MICU2: variants seen among roughly 807,000 people sequenced by gnomAD.
MICU2 encodes mitochondrial calcium uptake 2, also known as calcium uptake protein 2, mitochondrial.
Under a neutral mutation model 60.4 loss-of-function variants are expected in MICU2, and 64 were observed. That is an observed-to-expected ratio of 1.06 (90% CI 0.87 to 1.31). The LOEUF (loss-of-function observed/expected upper bound fraction) is 1.31, where lower values mean the gene tolerates loss of function less well. MICU2 is among the 50% of genes most tolerant of loss of function. The pLI is 0.00. For missense variants in MICU2, 569 were observed against 531.0 expected (o/e 1.07, Z -0.70); for synonymous variants, 201 against 175.0 (o/e 1.15, Z -1.17).
At chr13:21,534,995 G>A (rs761139255) in intron 4 of MICU2, among the ~76,000 whole-genome samples, 1 of 152,142 alleles carries the variant, frequency 6.6e-6, no homozygotes, top group Admixed American at 6.5e-5. Flanking sequence ...CCAGGAGTCT[G>A]GACTGTGAAT....
intron 7 of MICU2, among the ~76,000 whole-genome samples, chr13:21,513,942 G>A (rs549026854): frequency 6.6e-6 from 1 of 152,018 alleles, no homozygotes; most frequent in African/African-American, 2.4e-5. Flanking sequence ...AGTACTAATT[G>A]CCCAGGGAGG....
At chr13:21,499,609 A>C (rs1156584790) in intron 9 of MICU2, among the ~76,000 whole-genome samples, 1 of 151,236 alleles carries the variant, frequency 6.6e-6, no homozygotes, top group African/African-American at 2.4e-5. Flanking sequence ...ATGGGGTTTC[A>C]CCATGTTAGC....
In MICU2 at chr13:21,502,858, A is replaced by T. The variant is rs180889161; in HGVS notation, c.933+68T>A. ...CACAGTCTTGGTTAATTCAGAAGTT[A>T]CTTTATGTAAACATGTCTAACTTAT... is the stretch of plus-strand genomic sequence containing the variant. On this transcript the variant is annotated intron_variant, in intron 9 of 11. Coordinates refer to ENST00000382374, the MANE Select transcript of MICU2 (RefSeq NM_152726.3). The T allele has an allele frequency of 2.9e-4, 415 of 1,442,732 alleles. 4 individuals are homozygous for T. The Admixed American group carries it at 8.3e-3, about 29-fold the overall frequency. 89.4% of individuals were successfully genotyped at this position (1,442,732 alleles called of 1,614,324 possible).
chr13:21,496,223 A>T, intron 9 of MICU2, 63 bp from the exon 10 acceptor site: 2 of 1,238,974 alleles, frequency 1.6e-6, no homozygotes, highest in Non-Finnish European at 2.3e-6. Flanking sequence ...ATAAATGTTA[A>T]CTATGAACTT....
At chr13:21,601,148 G>C (rs1157426057) in intron 1 of MICU2, among the ~76,000 whole-genome samples, 1 of 152,128 alleles carries the variant, frequency 6.6e-6, no homozygotes, top group Non-Finnish European at 1.5e-5. Context: ...TACCAACTTG[G>C]AATACCAATG....
At chr13:21,505,904 G>A (rs1203887885) in intron 8 of MICU2, among the ~76,000 whole-genome samples, 1 of 152,138 alleles carries the variant, frequency 6.6e-6, no homozygotes, top group East Asian at 1.9e-4. Flanking sequence ...TAGGTGAGAT[G>A]ACACATATGG....
chr13:21,549,150 T>C lies in MICU2; in HGVS notation c.359-9462A>G, dbSNP rs191058718. On this transcript the variant is annotated intron_variant, in intron 2 of 11. Transcript: ENST00000382374. The stretch of plus-strand genomic sequence containing the variant: ...TTCACCGTGTTAGCCAGGATGGTCT[T>C]GATCTCCTGACCTCGTGATCCGCCC... Among the ~76,000 whole-genome samples the C allele has an allele frequency of 9.5e-3, 1,442 of 152,032 alleles. 14 individuals carry two copies. Among genetic ancestry groups the C allele is most frequent in the Middle Eastern group, 0.02 (6 of 294 alleles).
In MICU2 at chr13:21,521,379, T is replaced by C. The variant is rs767278421; in HGVS notation, c.515-52A>G. On this transcript the variant is annotated intron_variant, in intron 5 of 11. Coordinates refer to ENST00000382374, the MANE Select transcript of MICU2 (RefSeq NM_152726.3). ...TAAATGTTGATGAAAACCAAGTTATTTGTAGATAGATAGGTCTTCAAATTT... is the reference window on the plus strand; with the variant it reads ...TAAATGTTGATGAAAACCAAGTTATCTGTAGATAGATAGGTCTTCAAATTT... 18 of 1,464,930 alleles carry C rather than the reference T, an allele frequency of 1.2e-5. No homozygotes were observed. In the African/African-American group the frequency reaches 1.3e-4, roughly 10 times the overall value. 90.7% of individuals were successfully genotyped at this position (1,464,930 alleles called of 1,614,324 possible). A position where few individuals can be genotyped will look rare whatever the true frequency, so the allele number is the denominator to read the frequency against.
chr13:21,568,548 G>A (rs1286995818), intron 1 of MICU2, among the ~76,000 whole-genome samples: 1 of 152,092 alleles, frequency 6.6e-6, no homozygotes, highest in African/African-American at 2.4e-5. Context: ...CATTTTAAAC[G>A]TGGGGCAAAT....
intron 7 of MICU2, among the ~76,000 whole-genome samples, chr13:21,513,159 G>A (rs1381262045): frequency 6.6e-6 from 1 of 151,930 alleles, no homozygotes; most frequent in African/African-American, 2.4e-5. Context: ...TTTCCTGGGA[G>A]TTTCTACAGA....
At chr13:21,539,768 A>G (rs1046583284) in intron 2 of MICU2, 80 bp from the exon 3 acceptor site, 2 of 1,294,888 alleles carry the variant, frequency 1.5e-6, no homozygotes, top group Non-Finnish European at 2.2e-6. Context: ...AAATTATTTA[A>G]AAGACAAAAC....
chr13:21,587,801 T>C (rs1229010258), intron 1 of MICU2, among the ~76,000 whole-genome samples: 1 of 152,212 alleles, frequency 6.6e-6, no homozygotes, highest in Non-Finnish European at 1.5e-5. Context: ...AAAAGCTGAA[T>C]AGTTAGGTAT....
At chr13:21,503,568 T>A (rs1259889113) in intron 8 of MICU2, among the ~76,000 whole-genome samples, 1 of 152,240 alleles carries the variant, frequency 6.6e-6, no homozygotes, top group African/African-American at 2.4e-5. Flanking sequence ...GTGTAATCAA[T>A]GGCTTGGCAT....
intron 1 of MICU2, among the ~76,000 whole-genome samples, chr13:21,594,248 A>C (rs1314077387): frequency 6.6e-6 from 1 of 152,222 alleles, no homozygotes; most frequent in African/African-American, 2.4e-5. Flanking sequence ...TCTCAAAAGA[A>C]GACATTTACA....
At chr13:21,520,418 GGTTC>G (rs776980564) in intron 6 of MICU2, among the ~76,000 whole-genome samples, 10 of 152,084 alleles carry the variant, frequency 6.6e-5, no homozygotes, top group Admixed American at 2.6e-4. Flanking sequence ...CAATGTAAGA[GGTTC>G]GTTTGCTTCA....
rs150743289 is a variant in MICU2 at position 21,511,220 on chromosome 13, T to A, written c.664-1119A>T. ...AAATGGTGGAGCAAAATGCAGCACCTGCAGCTCAGGGGAAAAGATAAATTA... is the reference window on the plus strand; with the variant it reads ...AAATGGTGGAGCAAAATGCAGCACCAGCAGCTCAGGGGAAAAGATAAATTA... On this transcript the variant is annotated intron_variant, in intron 7 of 11. Coordinates refer to ENST00000382374, the MANE Select transcript of MICU2 (RefSeq NM_152726.3). Among the ~76,000 whole-genome samples the A allele has an allele frequency of 6.3e-4, 96 of 152,288 alleles. No homozygotes were observed. In the East Asian group the frequency reaches 0.012, roughly 20 times the overall value.
intron 4 of MICU2, chr13:21,531,183 A>G: frequency 2.1e-6 from 2 of 947,322 alleles, no homozygotes; most frequent in Non-Finnish European, 3.5e-6. Context: ...AAAGGAAGAC[A>G]TTCTTAATAA....
intron 4 of MICU2, chr13:21,531,024 T>G: frequency 1.2e-6 from 1 of 865,000 alleles, no homozygotes; most frequent in African/African-American, 1.6e-5. Flanking sequence ...CTGCAACTAT[T>G]TGAAAGGGAT....
chr13:21,542,036 TA>T (rs928542678), intron 2 of MICU2, among the ~76,000 whole-genome samples: 33 of 148,822 alleles, frequency 2.2e-4, no homozygotes, highest in African/African-American at 2.7e-4. Flanking sequence ...ATTTTTAGAT[TA>T]AAAAAAAAAG....
Sources: allele counts gnomAD v4.1 joint callset (sites outside exome capture counted in the v4.1 genomes callset), GRCh38; gene constraint gnomAD v4.1.1; transcripts MANE v1.5; gene names NCBI Gene and HGNC (gene_info 2026-07-23, HGNC 2026-07-21).